MFSD11: variants seen among roughly 807,000 people sequenced by gnomAD.
MFSD11 encodes the protein major facilitator superfamily domain containing 11.
A neutral mutation model predicts 53.5 loss-of-function variants in MFSD11; 36 were observed. That is an observed-to-expected ratio of 0.67 (90% CI 0.52 to 0.89). MFSD11 has a LOEUF of 0.89. MFSD11 is among the 40% of genes least tolerant of loss of function. The pLI, the probability that MFSD11 is intolerant of heterozygous loss-of-function variation, is 0.00. For missense variants in MFSD11, 530 were observed against 543.9 expected, an observed-to-expected ratio of 0.97 and a Z score of 0.25; for synonymous variants, 186 against 184.9, an observed-to-expected ratio of 1.01 and a Z score of -0.05.
intron 7 of MFSD11, among the ~76,000 whole-genome samples, chr17:76,748,491 C>A (rs1390013555): frequency 1.3e-5 from 2 of 151,552 alleles, no homozygotes; most frequent in South Asian, 4.2e-4. Flanking sequence ...TTGAAATCAG[C>A]CTGGGCAACA....
At chr17:76,788,022 G>T in the MFSD11 span, among the ~76,000 whole-genome samples, 1 of 144,216 alleles carries the variant, frequency 6.9e-6, no homozygotes, top group African/African-American at 2.6e-5. Context: ...TTTGTTTGTG[G>T]TTTTTTTTTT....
chr17:76,772,684 A>ATTT (rs1297204968), intron 10 of MFSD11, among the ~76,000 whole-genome samples: 2 of 151,510 alleles, frequency 1.3e-5, no homozygotes, highest in Admixed American at 6.6e-5. Flanking sequence ...CGCCTGGCTA[A>ATTT]TTTTTGTATT....
At chr17:76,790,582 T>G in the MFSD11 span, among the ~76,000 whole-genome samples, 1 of 147,248 alleles carries the variant, frequency 6.8e-6, no homozygotes, top group Non-Finnish European at 1.5e-5. Context: ...CTTCCCAAAG[T>G]GCTGGGATTA....
chr17:76,747,083 CTT>C (rs1295449511), intron 7 of MFSD11, among the ~76,000 whole-genome samples: 10 of 151,898 alleles, frequency 6.6e-5, no homozygotes, highest in Non-Finnish European at 1.2e-4. Context: ...CTAATTTCAA[CTT>C]TCAAGTCTTA....
At chr17:76,769,917 A>G (rs1568105632) in intron 10 of MFSD11, 46 bp downstream of exon 10, 8 of 1,543,694 alleles carry the variant, frequency 5.2e-6, no homozygotes, top group Non-Finnish European at 3.5e-6. Flanking sequence ...TCAGTTTATT[A>G]TAGGTAAAAT....
intron 12 of MFSD11, among the ~76,000 whole-genome samples, chr17:76,777,573 C>CTT (rs113484984): frequency 6.6e-6 from 1 of 151,010 alleles, no homozygotes; most frequent in African/African-American, 2.4e-5. Flanking sequence ...TTTGTTTCCT[C>CTT]TTTTTTTTTC....
the MFSD11 span, among the ~76,000 whole-genome samples, chr17:76,787,393 T>TC: frequency 2.0e-5 from 3 of 150,138 alleles, 1 homozygote; most frequent in Non-Finnish European, 4.5e-5. Flanking sequence ...CACCTTGGCC[T>TC]CCCAAAGTGC....
At chr17:76,772,664 A>G (rs2081473247) in intron 10 of MFSD11, among the ~76,000 whole-genome samples, 1 of 151,466 alleles carries the variant, frequency 6.6e-6, no homozygotes, top group African/African-American at 2.4e-5. Context: ...ACTACAGGCA[A>G]CCGCTACCAC....
chr17:76,740,327 G>C (rs2077945109), intron 2 of MFSD11, among the ~76,000 whole-genome samples: 1 of 152,078 alleles, frequency 6.6e-6, no homozygotes, highest in South Asian at 2.1e-4. Flanking sequence ...CTTCGTACAA[G>C]ACATATGTAC....
chr17:76,767,400 T>C lies in MFSD11; in HGVS notation c.697T>C (p.Leu233=), dbSNP rs1480156656. The change falls in exon 9 of 13, where the codon TTA becomes CTA. Residue 233 remains leucine, a synonymous_variant. Transcript: ENST00000685175. ...AVDAFKKSFK[L]CVTKEMLLLS... is the part of the protein sequence containing the mutation. ...TGTGTTTACAGAAAAGTCTTTTAAG[T>C]TATGTGTCACCAAGGAGATGCTCCT... is the stretch of plus-strand genomic sequence containing the variant. The C allele has an allele frequency of 1.9e-6, 3 of 1,599,158 alleles. No individual in the cohort carries two copies. The highest frequency in any genetic ancestry group is 2.6e-6 in the Non-Finnish European group (3 of 1,167,698).
intron 10 of MFSD11, 152 bp from the exon 11 acceptor site, chr17:76,774,845 A>C (rs778951355): frequency 2.8e-6 from 2 of 712,248 alleles, no homozygotes; most frequent in Non-Finnish European, 4.8e-6. Flanking sequence ...CTTGGTCATC[A>C]TTATCATTGT....
the MFSD11 span, among the ~76,000 whole-genome samples, chr17:76,788,725 C>T: frequency 9.4e-5 from 14 of 148,530 alleles, 2 homozygotes; most frequent in African/African-American, 2.2e-4. Context: ...TGGTGGCACG[C>T]GCCTGTAGTC....
At chr17:76,790,031 A>G in the MFSD11 span, among the ~76,000 whole-genome samples, 1 of 149,822 alleles carries the variant, frequency 6.7e-6, no homozygotes, top group Non-Finnish European at 1.5e-5. Flanking sequence ...TCCAGCATGT[A>G]AAATAATTAG....
intron 7 of MFSD11, among the ~76,000 whole-genome samples, chr17:76,749,948 G>A (rs2078910558): frequency 6.6e-6 from 1 of 151,928 alleles, no homozygotes; most frequent in South Asian, 2.1e-4. Flanking sequence ...GAGGTGGAAG[G>A]GGAGCTGTTG....
chr17:76,764,715 A>G (rs1320847740), intron 8 of MFSD11, among the ~76,000 whole-genome samples: 1 of 152,194 alleles, frequency 6.6e-6, no homozygotes, highest in African/African-American at 2.4e-5. Context: ...ATATACATAT[A>G]ATAGTGCTGT....
At chr17:76,736,840 G>A (rs1170502685), upstream of MFSD11, 2 of 1,604,660 alleles carry the variant, frequency 1.2e-6, no homozygotes, top group Middle Eastern at 3.4e-4. Context: ...CGTACCTGCG[G>A]GGTGGCGGTC....
At chr17:76,765,224 A>G (rs995652988) in intron 8 of MFSD11, among the ~76,000 whole-genome samples, 15 of 152,024 alleles carry the variant, frequency 9.9e-5, no homozygotes, top group Admixed American at 1.3e-4. Context: ...TTTGCATGTC[A>G]ATATCCTGTT....
chr17:76,796,888 G>A, the MFSD11 span, among the ~76,000 whole-genome samples: 3 of 151,916 alleles, frequency 2.0e-5, no homozygotes, highest in South Asian at 2.1e-4. Flanking sequence ...GCTGAGGCTC[G>A]GTTGGGCACG....
chr17:76,762,981 G>A (rs926550291), intron 8 of MFSD11, among the ~76,000 whole-genome samples: 1 of 151,750 alleles, frequency 6.6e-6, no homozygotes, highest in African/African-American at 2.4e-5. Context: ...TTATGCAAAC[G>A]CCCCAGGCCT....
Sources: gnomAD v4.1 joint callset for allele counts (sites outside exome capture counted in the v4.1 genomes callset) on GRCh38, gnomAD v4.1.1 for gene constraint, MANE v1.5 for transcripts, NCBI Gene and HGNC (gene_info 2026-07-23, HGNC 2026-07-21) for gene names.